The following PPP5C variants were observed in gnomAD, a reference collection of about 807,000 sequenced individuals.
The protein encoded by PPP5C is serine/threonine-protein phosphatase 5.
A neutral mutation model predicts 66.7 loss-of-function variants in PPP5C; 21 were observed. The observed-to-expected ratio is 0.31, with a 90% confidence interval of 0.22 to 0.45. The LOEUF is 0.45. Ranked by LOEUF, PPP5C falls within the 20% of genes least tolerant of loss-of-function variation. The pLI is 1.00. For missense variants in PPP5C, 464 were observed against 675.9 expected, an observed-to-expected ratio of 0.69 and a Z score of 3.48; for synonymous variants, 246 against 257.4, an observed-to-expected ratio of 0.96 and a Z score of 0.43.
intron 2 of PPP5C, among the ~76,000 whole-genome samples, chr19:46,367,646 C>G (rs116730768): frequency 6.6e-6 from 1 of 152,292 alleles, no homozygotes; most frequent in African/African-American, 2.4e-5. Context: ...GCCCCGGCAT[C>G]CCTGGTTGCT....
chr19:46,371,369 C>A (rs1231216632), intron 2 of PPP5C, among the ~76,000 whole-genome samples: 1 of 152,218 alleles, frequency 6.6e-6, no homozygotes, highest in Non-Finnish European at 1.5e-5. Flanking sequence ...GGAATAGTCA[C>A]AACCACTATT....
At chr19:46,352,155 G>A (rs756491131) in intron 1 of PPP5C, among the ~76,000 whole-genome samples, 12 of 152,020 alleles carry the variant, frequency 7.9e-5, no homozygotes, top group Non-Finnish European at 1.2e-4. Context: ...TGTCCCCTCC[G>A]AGCTGCCCCA....
At chr19:46,359,133 T>C (rs1972337677) in intron 2 of PPP5C, among the ~76,000 whole-genome samples, 1 of 152,120 alleles carries the variant, frequency 6.6e-6, no homozygotes. Flanking sequence ...AGGACAGGCC[T>C]GTTCTATGTT....
intron 2 of PPP5C, among the ~76,000 whole-genome samples, 183 bp from the exon 3 acceptor site, chr19:46,375,421 G>A (rs1158488777): frequency 6.6e-6 from 1 of 152,238 alleles, no homozygotes; most frequent in Admixed American, 6.5e-5. Context: ...GCTTTGCTGT[G>A]CCCAGTTTTG....
rs1223708541 is a variant in PPP5C, at chr19:46,390,474, A to G, written c.*128A>G. The G allele has an allele frequency of 3.3e-6, 5 of 1,511,916 alleles. No homozygotes were observed. The African/African-American group carries it at 4.2e-5, about 13-fold the overall frequency. The allele number at this position is 1,511,916 out of a possible 1,614,324, so 93.7% of individuals were successfully genotyped here. The stretch of plus-strand genomic sequence containing the variant: ...CCCCCTTTTACTTTGTAAAGTTTGT[A>G]TTTATTCCCCTTTAGGTTTGCAGAG... On this transcript the variant is annotated 3_prime_UTR_variant, in exon 13 of 13. Coordinates refer to ENST00000012443, the MANE Select transcript of PPP5C (RefSeq NM_006247.4).
chr19:46,378,676 C>T (rs1406475143), intron 4 of PPP5C, among the ~76,000 whole-genome samples: 1 of 152,174 alleles, frequency 6.6e-6, no homozygotes, highest in African/African-American at 2.4e-5. Flanking sequence ...GATGAATTGA[C>T]TCATTATAAT....
chr19:46,351,152 G>A (rs1474012755), intron 1 of PPP5C, among the ~76,000 whole-genome samples: 1 of 152,204 alleles, frequency 6.6e-6, no homozygotes, highest in Non-Finnish European at 1.5e-5. Context: ...AGCAGGCCAT[G>A]GTTGAGAGCT....
At chr19:46,377,577 T>A (rs767245352) in intron 4 of PPP5C, among the ~76,000 whole-genome samples, 2 of 152,034 alleles carry the variant, frequency 1.3e-5, no homozygotes, top group Non-Finnish European at 2.9e-5. Flanking sequence ...GTTTTTAGAG[T>A]TTTATGTGCC....
At chr19:46,350,926 C>T (rs545622734) in intron 1 of PPP5C, among the ~76,000 whole-genome samples, 2 of 152,284 alleles carry the variant, frequency 1.3e-5, no homozygotes, top group East Asian at 3.9e-4. Flanking sequence ...AGAGGACTGT[C>T]CCCTCAACTG....
rs114184838 is a variant in PPP5C, at chr19:46,387,802, C to T, written c.1135+349C>T. The T allele has an allele frequency of 3.9e-4, 432 of 1,099,516 alleles. 2 individuals are homozygous for T. The African/African-American group carries it at 6.0e-3, about 15-fold the overall frequency. 68.1% of individuals were successfully genotyped at this position (1,099,516 alleles called of 1,614,324 possible). On this transcript the variant is annotated intron_variant, in intron 9 of 12. Coordinates refer to ENST00000012443, the MANE Select transcript of PPP5C (RefSeq NM_006247.4). ...CAGAGAGTTCACCCACAGGTGCACA[C>T]GCACGTGCACACTGTGAGTGCTGCA...
chr19:46,358,837 T>C (rs1393875097), intron 2 of PPP5C, among the ~76,000 whole-genome samples: 1 of 152,198 alleles, frequency 6.6e-6, no homozygotes, highest in Non-Finnish European at 1.5e-5. Context: ...GGCATCCGTG[T>C]ATGGCATTGT....
At chr19:46,389,907 T>A in intron 11 of PPP5C, 144 bp from the exon 12 acceptor site, 1 of 582,850 alleles carries the variant, frequency 1.7e-6, no homozygotes, top group Non-Finnish European at 3.1e-6. Context: ...GTCTTTCCCA[T>A]CTCTGTCTCT....
intron 2 of PPP5C, among the ~76,000 whole-genome samples, chr19:46,365,951 C>G (rs1431421041): frequency 6.6e-6 from 1 of 152,190 alleles, no homozygotes; most frequent in African/African-American, 2.4e-5. Flanking sequence ...TTTTTTCCCC[C>G]TGAAACTCGA....
intron 2 of PPP5C, among the ~76,000 whole-genome samples, chr19:46,359,944 A>G (rs1173379550): frequency 6.6e-6 from 1 of 151,798 alleles, no homozygotes; most frequent in Non-Finnish European, 1.5e-5. Context: ...ACACCTGGCT[A>G]ATTTTTGTAT....
intron 9 of PPP5C, chr19:46,387,719 G>A (rs1272128034): frequency 2.1e-5 from 29 of 1,390,120 alleles, no homozygotes; most frequent in Non-Finnish European, 2.6e-5. Context: ...GAGTTCAGCT[G>A]TGGAACCCTG....
Position 46,388,284 on chromosome 19 carries a change from C to A in PPP5C, c.1136-124C>A. On this transcript the variant is annotated intron_variant, in intron 9 of 12. Transcript: ENST00000012443. This position sits in a 1 kb window ranked among gnomAD's most constrained non-coding sequence, Gnocchi z 4.9. ...ATGTCCATGTCCATGCTGGATGTCCCCTGCCCAACACCCACCCAGGCTGGG... is the reference window on the plus strand; with the variant it reads ...ATGTCCATGTCCATGCTGGATGTCCACTGCCCAACACCCACCCAGGCTGGG... 9.4e-7 allele frequency: 1 copy of A among 1,065,604 alleles called. No individual in the cohort carries two copies. The highest frequency in any genetic ancestry group is 1.3e-6 in the Non-Finnish European group (1 of 750,020). The allele number at this position is 1,065,604 out of a possible 1,614,324, so 66.0% of individuals were successfully genotyped here.
intron 4 of PPP5C, among the ~76,000 whole-genome samples, chr19:46,380,325 A>G (rs1394099238): frequency 3.3e-5 from 3 of 89,724 alleles, no homozygotes. Context: ...ATCTCAAAAG[A>G]AAAAAAAAAA....
At position 46,376,419 on chromosome 19, in the gene PPP5C, C is replaced by A; in HGVS notation, c.512-34C>A. The A allele has an allele frequency of 1.2e-6, 2 of 1,608,608 alleles. No individual in the cohort carries two copies. Among genetic ancestry groups the A allele is most frequent in the South Asian group, 2.2e-5 (2 of 90,548 alleles). On this transcript the variant is annotated intron_variant, in intron 3 of 12. Transcript: ENST00000012443. The surrounding 1 kb of genome is among the most constrained non-coding windows in gnomAD (Gnocchi z 5.1). ...CCTTCTCCCTCATAGTGGCTGTGGTCACTGACTCTCGTGTCCCGTTGTTCA... is the reference window on the plus strand; with the variant it reads ...CCTTCTCCCTCATAGTGGCTGTGGTAACTGACTCTCGTGTCCCGTTGTTCA...
chr19:46,357,037 C>T (rs1972298947), intron 2 of PPP5C, among the ~76,000 whole-genome samples: 1 of 152,048 alleles, frequency 6.6e-6, no homozygotes, highest in Admixed American at 6.5e-5. Flanking sequence ...AGTGTTTTTT[C>T]TTTGTTTTTG....
Sources: gnomAD v4.1 joint callset for allele counts (sites outside exome capture counted in the v4.1 genomes callset) on GRCh38, gnomAD v4.1.1 for gene constraint, Gnocchi (gnomAD v3.1) non-coding constraint, MANE v1.5 for transcripts, NCBI Gene and HGNC (gene_info 2026-07-23, HGNC 2026-07-21) for gene names.